The following LHFPL3 variants were observed in gnomAD, a reference collection of about 807,000 sequenced individuals.
LHFPL3 encodes the protein LHFPL tetraspan subfamily member 3.
LHFPL3 carries 5 observed loss-of-function variants against 19.3 expected under a neutral mutation model. The observed-to-expected ratio is 0.26, with a 90% CI of 0.14 to 0.54. The LOEUF is 0.54. LHFPL3 is among the 20% of genes least tolerant of loss of function. The pLI is 0.94. For synonymous variants in LHFPL3, 133 were observed against 126.2 expected, an observed-to-expected ratio of 1.05 and a Z score of -0.36; for missense variants, 249 against 307.4, an observed-to-expected ratio of 0.81 and a Z score of 1.42.
At position 104,448,317 on chromosome 7, in the gene LHFPL3, T is replaced by C. The variant is rs1018536834; in HGVS notation, c.445+119093T>C. On this transcript the variant is annotated intron_variant, in intron 1 of 2. Transcript: ENST00000424859. ...CCACAGTGCCAGAGTTAGAAATAAC[T>C]GTAGCCAAATTTCAAGGTCTTACTC... Among the ~76,000 whole-genome samples, 5 of 152,208 alleles carry C rather than the reference T, an allele frequency of 3.3e-5. No homozygotes were observed. In the East Asian group the frequency reaches 9.6e-4, roughly 29 times the overall value.
In LHFPL3 at chr7:104,644,674, G is replaced by A. The variant is rs560984090; in HGVS notation, c.446-92001G>A. Among the ~76,000 whole-genome samples, 3 of 152,296 alleles carry A rather than the reference G, an allele frequency of 2.0e-5. No homozygotes were observed. The South Asian group carries it at 6.2e-4, about 32-fold the overall frequency. On this transcript the variant is annotated intron_variant, in intron 1 of 2. Transcript: ENST00000424859. ...AGGAGTCATGGCTTTATACTTAGCTGTGGAGCTGTGAGGGAGGCCTTGGAG... is the reference window on the plus strand; with the variant it reads ...AGGAGTCATGGCTTTATACTTAGCTATGGAGCTGTGAGGGAGGCCTTGGAG...
intron 1 of LHFPL3, among the ~76,000 whole-genome samples, chr7:104,369,057 T>C (rs370356194): frequency 3.7e-4 from 57 of 152,358 alleles, no homozygotes; most frequent in Middle Eastern, 3.4e-3. Context: ...AAAGTTTTAT[T>C]GAGGTGTGAT....
chr7:104,797,783 G>A (rs1790161359), intron 2 of LHFPL3, among the ~76,000 whole-genome samples: 1 of 152,018 alleles, frequency 6.6e-6, no homozygotes, highest in African/African-American at 2.4e-5. Flanking sequence ...GGGCATAGTG[G>A]CATGTGCCTG....
intron 1 of LHFPL3, among the ~76,000 whole-genome samples, chr7:104,465,472 G>A (rs1159837874): frequency 1.3e-5 from 2 of 152,156 alleles, no homozygotes; most frequent in Non-Finnish European, 2.9e-5. Context: ...TGCTAATAAA[G>A]ACATACCCAA....
rs1031735207 is a variant in LHFPL3, at chr7:104,887,038, C to T, written c.683-19149C>T. 5.4e-4 allele frequency among the ~76,000 whole-genome samples: 82 copies of T among 152,352 alleles called. 1 individual carries two copies. Among genetic ancestry groups the T allele is most frequent in the African/African-American group, 1.7e-3 (70 of 41,580 alleles). ...GATCTGCTTTGTGACTTGTTTCCCA[C>T]GTCTGAAAGGAAAGAAATCCAGAGA... On this transcript the variant is annotated intron_variant, in intron 2 of 2. Transcript: ENST00000424859.
At chr7:104,477,173 T>TAG (rs1047917671) in intron 1 of LHFPL3, among the ~76,000 whole-genome samples, 2 of 152,058 alleles carry the variant, frequency 1.3e-5, no homozygotes, top group Non-Finnish European at 2.9e-5. Flanking sequence ...AATTTTTTTG[T>TAG]AGAGAGAGAG....
intron 1 of LHFPL3, among the ~76,000 whole-genome samples, chr7:104,520,475 G>A (rs1794034800): frequency 6.8e-6 from 1 of 146,578 alleles, no homozygotes; most frequent in African/African-American, 2.6e-5. Context: ...ATGAGTTAGG[G>A]AGGATTCCCT....
intron 2 of LHFPL3, chr7:104,803,854 T>C (rs1452159739): frequency 3.3e-5 from 5 of 152,238 alleles, no homozygotes; most frequent in Non-Finnish European, 7.3e-5. Flanking sequence ...ATTATTTACA[T>C]AGTTTTGGTA....
At chr7:104,900,640 C>G (rs189671873) in intron 2 of LHFPL3, among the ~76,000 whole-genome samples, 1 of 152,282 alleles carries the variant, frequency 6.6e-6, no homozygotes, top group East Asian at 1.9e-4. Context: ...TTAAAAAGGT[C>G]AGACAGGAAC....
chr7:104,806,055 G>A (rs1251206846), intron 2 of LHFPL3, among the ~76,000 whole-genome samples: 1 of 152,180 alleles, frequency 6.6e-6, no homozygotes, highest in Non-Finnish European at 1.5e-5. Flanking sequence ...GTGTTTTAGT[G>A]CGTACGACTG....
At chr7:104,811,162 CTTTCTTTCTTTTCT>C (rs201329794) in intron 2 of LHFPL3, among the ~76,000 whole-genome samples, 22,205 of 134,146 alleles carry the variant, frequency 0.17, 2,074 homozygotes, top group Middle Eastern at 0.21. Context: ...TTCTTTCTTT[CTTTCTTTCTTTTCT>C]TTTCTTTTCT....
At chr7:104,563,501 T>C (rs1432547656) in intron 1 of LHFPL3, among the ~76,000 whole-genome samples, 1 of 152,238 alleles carries the variant, frequency 6.6e-6, no homozygotes, top group Admixed American at 6.6e-5. Context: ...CCTGACCCCT[T>C]GCGCTTCCCA....
intron 2 of LHFPL3, among the ~76,000 whole-genome samples, chr7:104,792,508 T>TAA (rs1454815962): frequency 6.6e-6 from 1 of 152,242 alleles, no homozygotes; most frequent in Admixed American, 6.5e-5. Flanking sequence ...TATTGGCTCT[T>TAA]ACAGTTCCTC....
chr7:104,482,362 C>T (rs933775344), intron 1 of LHFPL3, among the ~76,000 whole-genome samples: 1 of 152,204 alleles, frequency 6.6e-6, no homozygotes, highest in African/African-American at 2.4e-5. Flanking sequence ...AGTCTAGAAG[C>T]CCTCTTGTGG....
intron 1 of LHFPL3, among the ~76,000 whole-genome samples, chr7:104,640,474 G>A (rs950531953): frequency 6.6e-6 from 1 of 152,300 alleles, no homozygotes; most frequent in South Asian, 2.1e-4. Flanking sequence ...TGGCTACATA[G>A]TATTCCATGG....
At chr7:104,379,560 A>G (rs1414508341) in intron 1 of LHFPL3, among the ~76,000 whole-genome samples, 1 of 152,220 alleles carries the variant, frequency 6.6e-6, no homozygotes, top group Non-Finnish European at 1.5e-5. Context: ...AATTATTTAA[A>G]TTGTTCCAAG....
intron 2 of LHFPL3, among the ~76,000 whole-genome samples, chr7:104,768,436 G>A (rs1794497016): frequency 6.6e-6 from 1 of 152,148 alleles, no homozygotes; most frequent in South Asian, 2.1e-4. Context: ...AATCAGCAGA[G>A]TTGGGCTTGA....
chr7:104,446,637 A>G (rs963408015), intron 1 of LHFPL3, among the ~76,000 whole-genome samples: 2 of 152,018 alleles, frequency 1.3e-5, no homozygotes, highest in African/African-American at 2.4e-5. Context: ...GTGCAGTGGC[A>G]TGACCTTGGC....
intron 2 of LHFPL3, among the ~76,000 whole-genome samples, chr7:104,832,382 C>T (rs141352280): frequency 5.3e-5 from 8 of 151,990 alleles, no homozygotes; most frequent in Non-Finnish European, 5.9e-5. Context: ...CTTATTTATA[C>T]GGTTTGAGTG....
Sources: allele counts gnomAD v4.1 joint callset (sites outside exome capture counted in the v4.1 genomes callset), GRCh38; gene constraint gnomAD v4.1.1; transcripts MANE v1.5; gene names NCBI Gene and HGNC (gene_info 2026-07-23, HGNC 2026-07-21).